KIAA0825: variants seen among roughly 807,000 people sequenced by gnomAD.
KIAA0825 encodes uncharacterized protein KIAA0825.
In KIAA0825, 119 loss-of-function variants were observed where a neutral mutation model predicts 147.6. That is an observed-to-expected ratio of 0.81 (90% CI 0.69 to 0.94). The LOEUF is 0.94. KIAA0825 is among the 40% of genes least tolerant of loss of function. The pLI is 0.00. For synonymous variants in KIAA0825, 470 were observed against 518.1 expected, an observed-to-expected ratio of 0.91 and a Z score of 1.26; for missense variants, 1,381 against 1,472.7, an observed-to-expected ratio of 0.94 and a Z score of 1.02.
chr5:94,255,268 T>C (rs1776184970), intron 20 of KIAA0825, among the ~76,000 whole-genome samples: 1 of 151,906 alleles, frequency 6.6e-6, no homozygotes, highest in African/African-American at 2.4e-5. Flanking sequence ...ATTTTTCCTA[T>C]TGGGCCTGTG....
chr5:94,336,238 G>A (rs1444842985), intron 20 of KIAA0825, among the ~76,000 whole-genome samples: 5 of 151,224 alleles, frequency 3.3e-5, no homozygotes, highest in African/African-American at 1.2e-4. Context: ...CCCAATGATA[G>A]TACAATACAC....
intron 20 of KIAA0825, among the ~76,000 whole-genome samples, chr5:94,176,181 C>G (rs1049575901): frequency 6.6e-6 from 1 of 151,970 alleles, no homozygotes; most frequent in Admixed American, 6.6e-5. Context: ...AGGGTGAGTT[C>G]TCACTCTCAT....
At chr5:94,192,624 T>A (rs1018101652) in intron 20 of KIAA0825, among the ~76,000 whole-genome samples, 3 of 152,148 alleles carry the variant, frequency 2.0e-5, no homozygotes, top group Admixed American at 6.6e-5. Context: ...ACTTTTTTTT[T>A]AACTACCCTT....
At position 94,251,827 on chromosome 5, in the gene KIAA0825, G is replaced by T. The variant is rs115059043; in HGVS notation, c.3711-97703C>A. Among the ~76,000 whole-genome samples, 480 of 152,014 alleles carry T rather than the reference G, an allele frequency of 3.2e-3. 4 individuals carry two copies. Among genetic ancestry groups the T allele is most frequent in the African/African-American group, 0.011 (444 of 41,486 alleles). On this transcript the variant is annotated intron_variant, in intron 20 of 20. Coordinates refer to ENST00000682413, the MANE Select transcript of KIAA0825 (RefSeq NM_001145678.3). ...GTATTTCAAAGATGCAGGCCAACTCGACATTTCATGTGCTGAAAACAGGTA... is the reference window on the plus strand; with the variant it reads ...GTATTTCAAAGATGCAGGCCAACTCTACATTTCATGTGCTGAAAACAGGTA...
chr5:94,226,107 C>G (rs1255296712), intron 20 of KIAA0825, among the ~76,000 whole-genome samples: 1 of 152,202 alleles, frequency 6.6e-6, no homozygotes, highest in African/African-American at 2.4e-5. Context: ...GTTTTGCCAT[C>G]TACCCATCTG....
At chr5:94,329,624 T>C (rs1781062160) in intron 20 of KIAA0825, among the ~76,000 whole-genome samples, 1 of 151,828 alleles carries the variant, frequency 6.6e-6, no homozygotes, top group Non-Finnish European at 1.5e-5. Context: ...CTAGACAAAA[T>C]AAAAAACAAA....
At chr5:94,521,650 ATACT>A (rs1402381909) in intron 4 of KIAA0825, among the ~76,000 whole-genome samples, 1 of 151,736 alleles carries the variant, frequency 6.6e-6, no homozygotes, top group Non-Finnish European at 1.5e-5. Flanking sequence ...TTATTCCTTT[ATACT>A]TTCTGTGCTA....
At chr5:94,248,019 A>C (rs780427840) in intron 20 of KIAA0825, among the ~76,000 whole-genome samples, 5 of 152,148 alleles carry the variant, frequency 3.3e-5, no homozygotes, top group Non-Finnish European at 5.9e-5. Flanking sequence ...CTAACTCAAA[A>C]AATGTATAGA....
intron 5 of KIAA0825, among the ~76,000 whole-genome samples, chr5:94,489,199 A>T (rs963791075): frequency 2.0e-5 from 3 of 152,114 alleles, no homozygotes; most frequent in Non-Finnish European, 2.9e-5. Context: ...AGCCTCCTAG[A>T]CCTTCTCATT....
intron 16 of KIAA0825, among the ~76,000 whole-genome samples, chr5:94,398,311 C>T (rs1293718459): frequency 6.6e-6 from 1 of 152,126 alleles, no homozygotes; most frequent in Non-Finnish European, 1.5e-5. Flanking sequence ...TAGCTACTTG[C>T]CACTGTTATA....
chr5:94,510,505 T>C (rs189300443), intron 5 of KIAA0825, among the ~76,000 whole-genome samples: 32 of 152,228 alleles, frequency 2.1e-4, no homozygotes, highest in African/African-American at 7.0e-4. Flanking sequence ...TTGTTTTTGA[T>C]TGAGACAACA....
At chr5:94,428,192 T>TG (rs1282261651) in intron 14 of KIAA0825, among the ~76,000 whole-genome samples, 6 of 143,988 alleles carry the variant, frequency 4.2e-5, no homozygotes, top group African/African-American at 1.5e-4. Context: ...TGTGTGTGTG[T>TG]GTTTTAATTC....
chr5:94,503,490 T>C (rs1765338226), intron 5 of KIAA0825, among the ~76,000 whole-genome samples: 1 of 152,150 alleles, frequency 6.6e-6, no homozygotes, highest in African/African-American at 2.4e-5. Context: ...CCCTCCCTCA[T>C]GAACACAGAA....
chr5:94,318,728 T>C (rs981115393), intron 20 of KIAA0825, among the ~76,000 whole-genome samples: 3 of 151,754 alleles, frequency 2.0e-5, no homozygotes, highest in African/African-American at 7.3e-5. Context: ...TGCTACATAG[T>C]AAAAGGTCAA....
intron 14 of KIAA0825, among the ~76,000 whole-genome samples, chr5:94,422,384 C>T (rs1306603508): frequency 1.3e-5 from 2 of 152,122 alleles, no homozygotes; most frequent in Non-Finnish European, 2.9e-5. Context: ...TCCCTTAGTC[C>T]AATTATACTT....
chr5:94,336,980 A>G (rs1467178860), intron 20 of KIAA0825, among the ~76,000 whole-genome samples: 1 of 152,240 alleles, frequency 6.6e-6, no homozygotes, highest in Non-Finnish European at 1.5e-5. Flanking sequence ...AGAATTGAAT[A>G]CTAGTCAGCA....
intron 14 of KIAA0825, among the ~76,000 whole-genome samples, chr5:94,438,329 A>C (rs568748744): frequency 6.6e-6 from 1 of 152,370 alleles, no homozygotes; most frequent in African/African-American, 2.4e-5. Context: ...AACACATATA[A>C]AATGCTTAGC....
rs904267688 is a variant in KIAA0825 at position 94,499,593 on chromosome 5, G to T, written c.971-14663C>A. Among the ~76,000 whole-genome samples, 91 of 147,476 alleles carry T rather than the reference G, an allele frequency of 6.2e-4. 1 individual carries two copies. The highest frequency in any genetic ancestry group is 5.6e-4 in the Non-Finnish European group (37 of 66,408). ...TATTTTATTTCCCAATCTGGGGGGG[G>T]GGGGGGACCAAGGGTCTTACACTTT... On this transcript the variant is annotated intron_variant, in intron 5 of 20. Coordinates refer to ENST00000682413, the MANE Select transcript of KIAA0825 (RefSeq NM_001145678.3).
chr5:94,572,525 T>G (rs1339867015), intron 2 of KIAA0825, among the ~76,000 whole-genome samples: 1 of 152,212 alleles, frequency 6.6e-6, no homozygotes, highest in Non-Finnish European at 1.5e-5. Context: ...CTATTCTGGT[T>G]TATTTATATA....
Sources: gnomAD v4.1 joint callset for allele counts (sites outside exome capture counted in the v4.1 genomes callset) on GRCh38, gnomAD v4.1.1 for gene constraint, MANE v1.5 for transcripts, NCBI Gene and HGNC (gene_info 2026-07-23, HGNC 2026-07-21) for gene names.